The following IRAG1 variants were observed in gnomAD, a reference collection of about 807,000 sequenced individuals.
The protein encoded by IRAG1 is inositol 1,4,5-triphosphate receptor associated 1, also known as IP3R-associated cGMP kinase substrate.
In IRAG1, 62 loss-of-function variants were observed where a neutral mutation model predicts 106.2. The observed-to-expected ratio is 0.58, with a 90% CI of 0.48 to 0.72. The LOEUF is 0.72. Among genes scored for constraint, IRAG1 ranks in the 30% least tolerant of loss-of-function variants. The pLI is 0.00. For missense variants in IRAG1, 1,064 were observed against 1,140.7 expected, an observed-to-expected ratio of 0.93 and a Z score of 0.97; for synonymous variants, 462 against 443.9, an observed-to-expected ratio of 1.04 and a Z score of -0.51.
At position 10,606,777 on chromosome 11, in the gene IRAG1, GA is replaced by G; in HGVS notation, c.1572-6del. 1 of 1,582,354 alleles carries G rather than the reference GA, an allele frequency of 6.3e-7. No homozygotes were observed. The highest frequency in any genetic ancestry group is 8.6e-7 in the Non-Finnish European group (1 of 1,163,134). ...TTTTCAGTGAGTGGAGGGGCACTGT[GA>G]AAAAGAAAACACACAATTGAACTGT... is the stretch of plus-strand genomic sequence containing the variant. On this transcript the variant is annotated splice_polypyrimidine_tract_variant and splice_region_variant and intron_variant, in intron 11 of 20. Transcript: ENST00000423302.
intron 18 of IRAG1, among the ~76,000 whole-genome samples, chr11:10,583,120 T>A (rs370899423): frequency 2.0e-5 from 3 of 152,310 alleles, no homozygotes; most frequent in South Asian, 4.1e-4. Context: ...AAGGGAGATG[T>A]CAAGTAGACA....
chr11:10,578,254 A>G (rs1462731796), intron 20 of IRAG1, among the ~76,000 whole-genome samples: 1 of 152,236 alleles, frequency 6.6e-6, no homozygotes, highest in Non-Finnish European at 1.5e-5. Flanking sequence ...AAGTAAAGGA[A>G]CCTAAATGTC....
chr11:10,660,635 C>T (rs1429794757), intron 1 of IRAG1, among the ~76,000 whole-genome samples: 1 of 152,178 alleles, frequency 6.6e-6, no homozygotes, highest in Admixed American at 6.5e-5. Flanking sequence ...TTAGTATCAC[C>T]CCAAGATAGC....
intron 10 of IRAG1, among the ~76,000 whole-genome samples, chr11:10,619,720 T>C (rs1398740922): frequency 6.6e-6 from 1 of 152,178 alleles, no homozygotes; most frequent in Non-Finnish European, 1.5e-5. Flanking sequence ...GTAGGTACTG[T>C]TATTAACCTC....
Position 10,603,184 on chromosome 11 carries a change from G to T in IRAG1, c.1811C>A (p.Ala604Asp), listed in dbSNP as rs1257047883. The T allele has an allele frequency of 1.9e-6, 3 of 1,611,740 alleles. No individual in the cohort carries two copies. In the Admixed American group the frequency reaches 5.0e-5, roughly 27 times the overall value. ...ETYQKLLEDIAVLHRLAARLS... is the reference protein window; with the variant it reads ...ETYQKLLEDIDVLHRLAARLS... ...GCGGGCAGCCAGGCGGTGCAGGACA[G>T]CGATGTCCTCCAGCAACTTCTGGTA... is the stretch of plus-strand genomic sequence containing the variant. The change falls in exon 14 of 21, where the codon GCT becomes GAT. Residue 604 changes from alanine (A) to aspartate (D), a missense_variant. Coordinates refer to ENST00000423302, the MANE Select transcript of IRAG1 (RefSeq NM_130385.4).
intron 2 of IRAG1, among the ~76,000 whole-genome samples, chr11:10,649,057 G>A (rs1858226581): frequency 6.6e-6 from 1 of 152,164 alleles, no homozygotes; most frequent in African/African-American, 2.4e-5. Context: ...GAGTCATCCT[G>A]GCCAACCCCG....
chr11:10,667,377 G>A (rs972881613), intron 1 of IRAG1, among the ~76,000 whole-genome samples: 3 of 152,180 alleles, frequency 2.0e-5, no homozygotes, highest in South Asian at 2.1e-4. Flanking sequence ...GGTTGGGACT[G>A]GTTGGGAGCA....
At chr11:10,666,079 T>C (rs1253610007) in intron 1 of IRAG1, among the ~76,000 whole-genome samples, 1 of 152,204 alleles carries the variant, frequency 6.6e-6, no homozygotes, top group Non-Finnish European at 1.5e-5. Flanking sequence ...CAACTGTGAC[T>C]GCCTAATGAT....
chr11:10,598,731 T>A (rs1021729223), intron 15 of IRAG1, among the ~76,000 whole-genome samples: 6 of 152,180 alleles, frequency 3.9e-5, no homozygotes, highest in Non-Finnish European at 8.8e-5. Flanking sequence ...CCTTAAAAAA[T>A]TTATTTCCCC....
chr11:10,668,056 G>A (rs573631074), intron 1 of IRAG1, among the ~76,000 whole-genome samples: 17 of 152,206 alleles, frequency 1.1e-4, no homozygotes, highest in Admixed American at 2.6e-4. Context: ...AATATTCCAC[G>A]TGCTATCAAA....
intron 16 of IRAG1, 97 bp downstream of exon 16, chr11:10,594,049 G>T: frequency 8.7e-7 from 1 of 1,147,718 alleles, no homozygotes; most frequent in Non-Finnish European, 1.3e-6. Context: ...AGATTCTCTG[G>T]CATCCATGGA....
At position 10,652,083 on chromosome 11, in the gene IRAG1, A is replaced by G; in HGVS notation, c.167T>C (p.Ile56Thr). 6.2e-7 allele frequency: 1 copy of G among 1,605,002 alleles called. No individual in the cohort carries two copies. Among genetic ancestry groups the G allele is most frequent in the East Asian group, 2.3e-5 (1 of 44,390 alleles). The change falls in exon 2 of 21, where the codon ATT becomes ACT. Residue 56 changes from isoleucine to threonine, a missense_variant. Physicochemically the swap from Ile to Thr is moderately conservative, Grantham distance 89. Coordinates refer to ENST00000423302, the MANE Select transcript of IRAG1 (RefSeq NM_130385.4). ...HSQQEAAMPHIPEDEEPPGEP... is the reference protein window; with the variant it reads ...HSQQEAAMPHTPEDEEPPGEP... ...TCCGGGGGGCTCCTCGTCCTCGGGA[A>G]TGTGGGGCATGGCAGCCTCCTGCTG...
intron 11 of IRAG1, among the ~76,000 whole-genome samples, chr11:10,609,437 C>T (rs1289159924): frequency 6.6e-6 from 1 of 152,158 alleles, no homozygotes; most frequent in African/African-American, 2.4e-5. Context: ...GGGATTGAAA[C>T]CCATGTCTCC....
chr11:10,655,659 C>A (rs895055779), intron 1 of IRAG1, among the ~76,000 whole-genome samples: 2 of 152,162 alleles, frequency 1.3e-5, no homozygotes, highest in Admixed American at 1.3e-4. Context: ...AAATCCTGGA[C>A]TCTTTTTAGC....
chr11:10,680,380 G>GGAAC lies in IRAG1; in HGVS notation c.67+13155_67+13156insGTTC, dbSNP rs1564942553. Among the ~76,000 whole-genome samples the GGAAC allele has an allele frequency of 3.5e-5, 2 of 56,340 alleles. 1 individual carries two copies. Among genetic ancestry groups the GGAAC allele is most frequent in the Non-Finnish European group, 6.2e-5 (2 of 32,038 alleles). 37.0% of individuals were successfully genotyped at this position (56,340 alleles called of 152,430 possible). On this transcript the variant is annotated intron_variant, in intron 1 of 20. Coordinates refer to ENST00000423302, the MANE Select transcript of IRAG1 (RefSeq NM_130385.4). ...AAGAAAGAAAGAAAGAAGGAAGGAA[G>GGAAC]GAAGGAAGGAAGGAAGGAAGGAAGG...
chr11:10,660,691 C>T (rs1859327225), intron 1 of IRAG1, among the ~76,000 whole-genome samples: 1 of 152,150 alleles, frequency 6.6e-6, no homozygotes, highest in Non-Finnish European at 1.5e-5. Flanking sequence ...ACAACTTTTC[C>T]CAAGTGGACT....
intron 18 of IRAG1, among the ~76,000 whole-genome samples, chr11:10,590,877 G>T (rs1397913855): frequency 6.6e-6 from 1 of 152,128 alleles, no homozygotes; most frequent in Non-Finnish European, 1.5e-5. Context: ...GAGTCATTTT[G>T]CTTTATGGGA....
intron 14 of IRAG1, among the ~76,000 whole-genome samples, 188 bp from the exon 15 acceptor site, chr11:10,601,247 ATG>A (rs1361226396): frequency 1.3e-5 from 2 of 152,206 alleles, no homozygotes; most frequent in Non-Finnish European, 2.9e-5. Context: ...CTTAGGGAGA[ATG>A]AGAAAAGCAC....
At chr11:10,675,772 C>G (rs1414912008) in intron 1 of IRAG1, among the ~76,000 whole-genome samples, 1 of 152,210 alleles carries the variant, frequency 6.6e-6, no homozygotes, top group East Asian at 1.9e-4. Flanking sequence ...TCCTCTTATT[C>G]AGCGCCTTCC....
Sources: gnomAD v4.1 joint callset for allele counts (sites outside exome capture counted in the v4.1 genomes callset) on GRCh38, gnomAD v4.1.1 for gene constraint, MANE v1.5 for transcripts, NCBI Gene and HGNC (gene_info 2026-07-23, HGNC 2026-07-21) for gene names.